QKI: variants seen among roughly 807,000 people sequenced by gnomAD.
QKI encodes KH domain-containing RNA-binding protein QKI.
In QKI, 10 loss-of-function variants were observed where a neutral mutation model predicts 39.0. That is an observed-to-expected ratio of 0.26 (90% CI 0.16 to 0.43). The LOEUF is 0.43. QKI is among the 20% of genes least tolerant of loss of function. The probability of loss-of-function intolerance (pLI) is 1.00; values close to 1 mark genes in which losing one functional copy is unlikely to be tolerated. For synonymous variants in QKI, 204 were observed against 155.4 expected (o/e 1.31, Z -2.33); for missense variants, 218 against 428.0 (o/e 0.51, Z 4.33).
intron 3 of QKI, among the ~76,000 whole-genome samples, chr6:163,494,263 G>A (rs1411700144): frequency 6.6e-6 from 1 of 152,304 alleles, no homozygotes; most frequent in South Asian, 2.1e-4. Flanking sequence ...AAAGTATATG[G>A]AGGATGAGCC....
chr6:163,503,472 T>A (rs1306370157), intron 3 of QKI, among the ~76,000 whole-genome samples: 1 of 148,734 alleles, frequency 6.7e-6, no homozygotes, highest in Non-Finnish European at 1.5e-5. Context: ...TATTAGACCC[T>A]TGTTGGATGC....
chr6:163,419,700 T>C (rs1214614152), intron 1 of QKI, among the ~76,000 whole-genome samples: 1 of 152,188 alleles, frequency 6.6e-6, no homozygotes, highest in Non-Finnish European at 1.5e-5. Flanking sequence ...TAAATTCCCC[T>C]GTAGGTGGAA....
In QKI at chr6:163,572,670, A is replaced by ACCCCCCCCCCCCCCCCCCCCCCCCCCCC. The variant is rs60823251; in HGVS notation, c.*1971_*1972insCCCCCCCCCCCCCCCCCCCCCCCCCCCC. ...CGTGGCAAATCTCAAGTGACAGTGG[A>ACCCCCCCCCCCCCCCCCCCCCCCCCCCC]CCCCCCCCCCCGCCCAGCTTATCAA... On this transcript the variant is annotated 3_prime_UTR_variant, in exon 8 of 8. Transcript: ENST00000361752. 7 of 19,630 alleles carry ACCCCCCCCCCCCCCCCCCCCCCCCCCCC rather than the reference A, an allele frequency of 3.6e-4. 1 individual carries two copies. The highest frequency in any genetic ancestry group is 4.4e-4 in the African/African-American group (2 of 4,496). 1.2% of individuals were successfully genotyped at this position (19,630 alleles called of 1,614,324 possible).
chr6:163,470,763 CAGA>C (rs1355267734), intron 2 of QKI, among the ~76,000 whole-genome samples: 2 of 151,962 alleles, frequency 1.3e-5, no homozygotes, highest in Non-Finnish European at 2.9e-5. Flanking sequence ...GTGGGTTTAA[CAGA>C]AGATTAGAAG....
intron 3 of QKI, among the ~76,000 whole-genome samples, chr6:163,485,205 G>T (rs1016688667): frequency 3.3e-5 from 5 of 152,108 alleles, no homozygotes; most frequent in Admixed American, 6.5e-5. Context: ...AGATGAGATC[G>T]GGTGCATTCA....
At chr6:163,429,591 G>A (rs774310718) in intron 1 of QKI, among the ~76,000 whole-genome samples, 27 of 151,446 alleles carry the variant, frequency 1.8e-4, no homozygotes, top group South Asian at 4.1e-4. Context: ...TTTTTTAAAA[G>A]CCTTAAGTTA....
At chr6:163,482,426 A>G (rs1793143020) in intron 3 of QKI, among the ~76,000 whole-genome samples, 1 of 152,100 alleles carries the variant, frequency 6.6e-6, no homozygotes, top group Non-Finnish European at 1.5e-5. Context: ...ATGTCCTCTA[A>G]TTCAGTTCAA....
At chr6:163,509,312 A>G (rs890928015) in intron 3 of QKI, among the ~76,000 whole-genome samples, 3 of 152,200 alleles carry the variant, frequency 2.0e-5, no homozygotes, top group African/African-American at 7.2e-5. Context: ...AGGTAATGCT[A>G]AAGGGAATTT....
intron 7 of QKI, chr6:163,568,091 T>C: frequency 1.0e-6 from 1 of 985,450 alleles, no homozygotes; most frequent in Non-Finnish European, 1.2e-6. Context: ...ATGGTATTCC[T>C]TGTAAGTGTT....
At chr6:163,455,465 A>G (rs1234895211) in intron 2 of QKI, 44 bp downstream of exon 2, 4 of 1,546,680 alleles carry the variant, frequency 2.6e-6, no homozygotes, top group South Asian at 1.2e-5. Context: ...TCTGCTTCAC[A>G]TATGTTGGGA....
At chr6:163,473,274 G>C (rs1023463462) in intron 2 of QKI, among the ~76,000 whole-genome samples, 1 of 152,108 alleles carries the variant, frequency 6.6e-6, no homozygotes, top group African/African-American at 2.4e-5. Context: ...GGGGAAAGGG[G>C]CTCTAAGAGA....
intron 3 of QKI, among the ~76,000 whole-genome samples, chr6:163,513,770 A>G (rs142737671): frequency 1.7e-3 from 264 of 152,290 alleles, no homozygotes; most frequent in African/African-American, 6.1e-3. Context: ...AAGATAAGCT[A>G]GCTTGCCACC....
intron 3 of QKI, among the ~76,000 whole-genome samples, chr6:163,498,228 C>T (rs1003322554): frequency 6.7e-6 from 1 of 148,500 alleles, no homozygotes; most frequent in Non-Finnish European, 1.5e-5. Flanking sequence ...AAGGTATCCT[C>T]AACTCCTTTC....
chr6:163,494,979 G>A (rs1444473253), intron 3 of QKI, among the ~76,000 whole-genome samples: 11 of 151,600 alleles, frequency 7.3e-5, no homozygotes, highest in African/African-American at 2.4e-4. Flanking sequence ...GCAGTGGCGC[G>A]ATCTTGGCTC....
At chr6:163,435,018 A>G (rs930083953) in intron 1 of QKI, among the ~76,000 whole-genome samples, 61 of 152,226 alleles carry the variant, frequency 4.0e-4, no homozygotes, top group African/African-American at 1.3e-3. Flanking sequence ...ATTATCCAAC[A>G]CTTAAAAATG....
intron 3 of QKI, among the ~76,000 whole-genome samples, chr6:163,480,372 G>T (rs532696474): frequency 3.9e-5 from 6 of 151,936 alleles, no homozygotes; most frequent in African/African-American, 1.2e-4. Flanking sequence ...ACGCTGAATC[G>T]CTTTGTGGAA....
At position 163,415,084 on chromosome 6, in the gene QKI, C is replaced by T; in HGVS notation, c.-110C>T. On this transcript the variant is annotated 5_prime_UTR_variant, in exon 1 of 8. Transcript: ENST00000361752. ...AGCCAGAGCGGGAGCCGGCGCGGAG[C>T]GGGACGCCGGGTCCCGAGCGGCCCG... 2 of 974,594 alleles carry T rather than the reference C, an allele frequency of 2.1e-6. No individual in the cohort carries two copies. The highest frequency in any genetic ancestry group is 4.6e-5 in the South Asian group (1 of 21,604). 60.4% of individuals were successfully genotyped at this position (974,594 alleles called of 1,614,324 possible).
intron 2 of QKI, among the ~76,000 whole-genome samples, chr6:163,458,890 A>G (rs1791136825): frequency 2.0e-5 from 3 of 152,220 alleles, no homozygotes; most frequent in Admixed American, 2.0e-4. Context: ...ACTCTTTGAT[A>G]TAGTAAAGAC....
chr6:163,562,852 A>G (rs1315674908), intron 5 of QKI, among the ~76,000 whole-genome samples: 1 of 152,224 alleles, frequency 6.6e-6, no homozygotes, highest in Non-Finnish European at 1.5e-5. Context: ...TTTACTCATG[A>G]AAATGTGAGT....
Sources: gnomAD v4.1 joint callset for allele counts (sites outside exome capture counted in the v4.1 genomes callset) on GRCh38, gnomAD v4.1.1 for gene constraint, MANE v1.5 for transcripts, NCBI Gene and HGNC (gene_info 2026-07-23, HGNC 2026-07-21) for gene names.